Variants in ST6GALNAC6 observed in about 807,000 individuals in gnomAD.
ST6GALNAC6 encodes the protein ST6 N-acetylgalactosaminide alpha-2,6-sialyltransferase 6, also known as alpha-N-acetylgalactosaminide alpha-2,6-sialyltransferase 6.
In ST6GALNAC6, 19 loss-of-function variants were observed where a neutral mutation model predicts 34.3. The observed-to-expected ratio is 0.55, with a 90% CI of 0.39 to 0.81. The LOEUF (loss-of-function observed/expected upper bound fraction) is 0.81. ST6GALNAC6 is among the 40% of genes least tolerant of loss of function. The pLI, the probability that ST6GALNAC6 is intolerant of heterozygous loss-of-function variation, is 0.00. For synonymous variants in ST6GALNAC6, 185 were observed against 182.1 expected, an observed-to-expected ratio of 1.02 and a Z score of -0.13; for missense variants, 377 against 467.7, an observed-to-expected ratio of 0.81 and a Z score of 1.79.
chr9:127,888,135 C>A (rs540354351), intron 5 of ST6GALNAC6, among the ~76,000 whole-genome samples: 2 of 152,142 alleles, frequency 1.3e-5, no homozygotes, highest in Admixed American at 6.6e-5. Context: ...GGAGGCCAGG[C>A]GTGGTGGTTC....
At position 127,886,783 on chromosome 9, in the gene ST6GALNAC6, C is replaced by A. The variant is rs201870201; in HGVS notation, c.818G>T (p.Arg273Leu). 6.2e-7 allele frequency: 1 copy of A among 1,604,114 alleles called. No homozygotes were observed. The highest frequency in any genetic ancestry group is 8.5e-7 in the Non-Finnish European group (1 of 1,174,358). The change falls in exon 7 of 7, where the codon CGG (arginine) becomes CTG (leucine). Residue 273 changes from arginine to leucine, a missense_variant. Coordinates refer to ENST00000373146, the MANE Select transcript of ST6GALNAC6 (RefSeq NM_013443.5). ...GMVPPNYCSQ[R>L]PRLQRMPYHY... ...GTAGGGCATGCGCTGGAGGCGGGGC[C>A]GCTGGCTGGGACAGAGCAGACGGGC... is the stretch of plus-strand genomic sequence containing the variant.
rs1830074298 is a variant in ST6GALNAC6, at chr9:127,890,613, A to C, written c.704+24T>G. On this transcript the variant is annotated intron_variant, in intron 5 of 6. Transcript: ENST00000373146. The surrounding 1 kb of genome is among the most constrained non-coding windows in gnomAD (Gnocchi z 4.3). Reference sequence around the variant, plus strand: ...TGAGAAGGAGCACAGTGCTGGCCAGAGGGGGCAGGCAGGAGGCTGGTACCT... The same window carrying C: ...TGAGAAGGAGCACAGTGCTGGCCAGCGGGGGCAGGCAGGAGGCTGGTACCT... The C allele has an allele frequency of 6.2e-7, 1 of 1,612,796 alleles. No homozygotes were observed. The highest frequency in any genetic ancestry group is 8.5e-7 in the Non-Finnish European group (1 of 1,179,904).
chr9:127,904,042 A>G (rs1830848219), upstream of ST6GALNAC6: 1 of 152,206 alleles, frequency 6.6e-6, no homozygotes, highest in Non-Finnish European at 1.5e-5. Flanking sequence ...CCCAAGAACG[A>G]CAGCAACCAT....
intron 4 of ST6GALNAC6, 79 bp from the exon 5 acceptor site, chr9:127,891,122 C>T: frequency 2.7e-6 from 4 of 1,499,336 alleles, no homozygotes; most frequent in Non-Finnish European, 3.6e-6. Context: ...CCTCCAGGAC[C>T]CAGGAATTGT....
chr9:127,886,410 C>T lies in ST6GALNAC6; in HGVS notation c.*189G>A. On this transcript the variant is annotated 3_prime_UTR_variant, in exon 7 of 7. Coordinates refer to ENST00000373146, the MANE Select transcript of ST6GALNAC6 (RefSeq NM_013443.5). ...ACACCCCTGATTAACCGCATAGACT[C>T]CCAAATCCCTGATTCGCCAACAGAT... The T allele has an allele frequency of 7.0e-7, 1 of 1,436,448 alleles. No individual in the cohort carries two copies. 89.0% of individuals were successfully genotyped at this position (1,436,448 alleles called of 1,614,324 possible). A position where few individuals can be genotyped will look rare whatever the true frequency, so the allele number is the denominator to read the frequency against.
Position 127,887,469 on chromosome 9 carries a change from G to A in ST6GALNAC6, c.812+15C>T, listed in dbSNP as rs1180814579. On this transcript the variant is annotated intron_variant, in intron 6 of 6. Transcript: ENST00000373146. The stretch of plus-strand genomic sequence containing the variant: ...TGGGTGTTGTCCTGGGAGGGCGCTG[G>A]CAAGGAGGGCTCACCTGCAGTAGTT... 2 of 1,603,676 alleles carry A rather than the reference G, an allele frequency of 1.2e-6. No individual in the cohort carries two copies. Among genetic ancestry groups the A allele is most frequent in the Non-Finnish European group, 1.7e-6 (2 of 1,173,434 alleles).
rs984055826 is a variant in ST6GALNAC6 at position 127,905,106 on chromosome 9, G to T, written c.-77+101C>A. 11 of 657,056 alleles carry T rather than the reference G, an allele frequency of 1.7e-5. No homozygotes were observed. The African/African-American group carries it at 2.0e-4, about 12-fold the overall frequency. 40.7% of individuals were successfully genotyped at this position (657,056 alleles called of 1,614,324 possible). A position where few individuals can be genotyped will look rare whatever the true frequency, so the allele number is the denominator to read the frequency against. On this transcript the variant is annotated intron_variant, in intron 1 of 5. Transcript: ENST00000622357. Reference sequence around the variant, plus strand: ...AGGTCCTCAGCCACTCTGCTGAGGGGCAAAGGAACCAGGGTATGAACAGGA... The same window carrying T: ...AGGTCCTCAGCCACTCTGCTGAGGGTCAAAGGAACCAGGGTATGAACAGGA...
At chr9:127,897,547 GCGGCTGCC>G in intron 2 of ST6GALNAC6, 1 of 631,266 alleles carries the variant, frequency 1.6e-6, no homozygotes, top group Non-Finnish European at 2.0e-6. Context: ...GGTTTCTCCA[GCGGCTGCC>G]CCTCACTGCC....
In ST6GALNAC6 at chr9:127,886,593, G is replaced by A. The variant is rs887314393; in HGVS notation, c.*6C>T. On this transcript the variant is annotated 3_prime_UTR_variant, in exon 7 of 7. Coordinates refer to ENST00000373146, the MANE Select transcript of ST6GALNAC6 (RefSeq NM_013443.5). Reference sequence around the variant, plus strand: ...GACCCTCCTGAGGTCCCACAGGCTGGGTGGCCTAGGTCCAGGAGGGGTGGG... The same window carrying A: ...GACCCTCCTGAGGTCCCACAGGCTGAGTGGCCTAGGTCCAGGAGGGGTGGG... The A allele has an allele frequency of 1.2e-6, 2 of 1,613,734 alleles. No homozygotes were observed. The highest frequency in any genetic ancestry group is 1.7e-6 in the Non-Finnish European group (2 of 1,179,836).
rs2131462641 is a variant in ST6GALNAC6 at position 127,887,551 on chromosome 9, T to C, written c.745A>G (p.Met249Val). The change falls in exon 6 of 7, where the codon ATG (methionine) becomes GTG (valine). Residue 249 changes from methionine to valine, a missense_variant. Coordinates refer to ENST00000373146, the MANE Select transcript of ST6GALNAC6 (RefSeq NM_013443.5). ...TCACACAACTCCACCGCGATCACCA[T>C]GGTAAACCAGCCTGTGCTCAACCAC... is the stretch of plus-strand genomic sequence containing the variant. ...HSWLSTGWFT[M>V]VIAVELCDHV... is the part of the protein sequence containing the mutation. The C allele has an allele frequency of 6.2e-7, 1 of 1,612,846 alleles. No individual in the cohort carries two copies. The highest frequency in any genetic ancestry group is 1.1e-5 in the South Asian group (1 of 90,738).
At chr9:127,905,707 C>T (rs1043108121), upstream of ST6GALNAC6, among the ~76,000 whole-genome samples, 4 of 152,220 alleles carry the variant, frequency 2.6e-5, no homozygotes, top group Non-Finnish European at 5.9e-5. Flanking sequence ...TGTCAAGTGC[C>T]TGCTATGTCC....
At chr9:127,904,071 A>C (rs866748113), upstream of ST6GALNAC6, 4 of 152,188 alleles carry the variant, frequency 2.6e-5, no homozygotes, top group African/African-American at 7.2e-5. Context: ...CAGTAATAAC[A>C]AGGATGAGAA....
In ST6GALNAC6 at chr9:127,890,957, C is replaced by G. The variant is rs774416503; in HGVS notation, c.384G>C (p.Arg128=). 8 of 1,614,156 alleles carry G rather than the reference C, an allele frequency of 5.0e-6. No individual in the cohort carries two copies. The Admixed American group carries it at 1.3e-4, about 27-fold the overall frequency. ...LGTKLGPEIE[R]AECTIRMNDA... ...CATTCATGCGGATTGTACACTCAGC[C>G]CGCTCGATCTCAGGGCCCAGCTTGG... is the stretch of plus-strand genomic sequence containing the variant. The change falls in exon 5 of 7, where the codon CGG becomes CGC. Residue 128 remains arginine, a synonymous_variant. Coordinates refer to ENST00000373146, the MANE Select transcript of ST6GALNAC6 (RefSeq NM_013443.5). This position sits in a 1 kb window ranked among gnomAD's most constrained non-coding sequence, Gnocchi z 4.3.
intron 3 of ST6GALNAC6, 58 bp from the exon 4 acceptor site, chr9:127,894,749 C>T: frequency 6.4e-7 from 1 of 1,573,436 alleles, no homozygotes; most frequent in Non-Finnish European, 8.7e-7. Flanking sequence ...GCGCCCCCAC[C>T]TCCTTGCCAC....
upstream of ST6GALNAC6, among the ~76,000 whole-genome samples, chr9:127,900,991 C>CAAAAAAAAAAAAAAAA (rs56673204): frequency 5.9e-4 from 36 of 61,004 alleles, no homozygotes; most frequent in East Asian, 6.1e-3. Context: ...AACTCCCTAT[C>CAAAAAAAAAAAAAAAA]AAAAAAAAAA....
chr9:127,896,289 GGC>G lies in ST6GALNAC6; in HGVS notation c.68_69del (p.Arg23ProfsTer14), dbSNP rs1357052541. The part of the protein sequence containing the change: ...TSLPPGPPAG[R>X]RHLPLSRRRR... The stretch of plus-strand genomic sequence containing the variant: ...CGGCGTCTGCTGAGGGGTAGGTGTC[GGC>G]GTCCTGCAGGTGGCCCTGGGGGCAG... On this transcript the variant is annotated frameshift_variant, in exon 3 of 7. Coordinates refer to ENST00000373146, the MANE Select transcript of ST6GALNAC6 (RefSeq NM_013443.5). LOFTEE classifies it high-confidence loss of function. 3.1e-6 allele frequency: 5 copies of G among 1,613,922 alleles called. No homozygotes were observed. The highest frequency in any genetic ancestry group is 4.2e-6 in the Non-Finnish European group (5 of 1,179,958).
In ST6GALNAC6 at chr9:127,890,589, GAGA is replaced by G; in HGVS notation, c.704+45_704+47del. On this transcript the variant is annotated intron_variant, in intron 5 of 6. Coordinates refer to ENST00000373146, the MANE Select transcript of ST6GALNAC6 (RefSeq NM_013443.5). This position sits in a 1 kb window ranked among gnomAD's most constrained non-coding sequence, Gnocchi z 4.3. ...ACAGGCCCTCTGGATGGGGCATGCT[GAGA>G]AGGAGCACAGTGCTGGCCAGAGGGG... 5 of 1,609,024 alleles carry G rather than the reference GAGA, an allele frequency of 3.1e-6. No individual in the cohort carries two copies. In the South Asian group the frequency reaches 5.5e-5, roughly 18 times the overall value.
chr9:127,886,638 C>T lies in ST6GALNAC6; in HGVS notation c.963G>A (p.Gln321=). The change falls in exon 7 of 7, where the codon CAG becomes CAA. Residue 321 remains glutamine (Q), a synonymous_variant. Coordinates refer to ENST00000373146, the MANE Select transcript of ST6GALNAC6 (RefSeq NM_013443.5). ...GGTGGGAGAAGGTGATGCCATACAG[C>T]TGGGCCCACGATGAGAAGACCCTTT... ...TEKRVFSSWA[Q]LYGITFSHPS... is the part of the protein sequence containing the mutation. The T allele has an allele frequency of 6.2e-7, 1 of 1,613,868 alleles. No individual in the cohort carries two copies. The highest frequency in any genetic ancestry group is 8.5e-7 in the Non-Finnish European group (1 of 1,179,970).
Position 127,899,497 on chromosome 9 carries a change from G to A in ST6GALNAC6, c.-30+6C>T, listed in dbSNP as rs1207225508. ...CGCGGCCTGCTCCCGCGCGGCGCCT[G>A]CTCACCTCCGGCGGGGAGCGCCCGG... On this transcript the variant is annotated splice_donor_region_variant and intron_variant, in intron 1 of 6. Transcript: ENST00000373146. The A allele has an allele frequency of 2.0e-6, 2 of 976,594 alleles. No individual in the cohort carries two copies. Among genetic ancestry groups the A allele is most frequent in the Non-Finnish European group, 2.4e-6 (2 of 823,512 alleles). The allele number at this position is 976,594 out of a possible 1,614,324, so 60.5% of individuals were successfully genotyped here. A position where few individuals can be genotyped will look rare whatever the true frequency, so the allele number is the denominator to read the frequency against.
Sources: gnomAD v4.1 joint callset for allele counts (sites outside exome capture counted in the v4.1 genomes callset) on GRCh38, gnomAD v4.1.1 for gene constraint, Gnocchi (gnomAD v3.1) non-coding constraint, MANE v1.5 for transcripts, NCBI Gene and HGNC (gene_info 2026-07-23, HGNC 2026-07-21) for gene names.